DLGAP2: variants seen among roughly 807,000 people sequenced by gnomAD.
The protein encoded by DLGAP2 is DLG associated protein 2.
In DLGAP2, 26 loss-of-function variants were observed where a neutral mutation model predicts 100.3. That is an observed-to-expected ratio of 0.26 (90% CI 0.19 to 0.36). The LOEUF (loss-of-function observed/expected upper bound fraction) is 0.36. Among genes scored for constraint, DLGAP2 ranks in the 10% least tolerant of loss-of-function variants. The probability of loss-of-function intolerance (pLI) is 1.00; values close to 1 mark genes in which losing one functional copy is unlikely to be tolerated. For missense variants in DLGAP2, 1,858 were observed against 1,453.2 expected, an observed-to-expected ratio of 1.28 and a Z score of -4.53; for synonymous variants, 886 against 630.1, an observed-to-expected ratio of 1.41 and a Z score of -6.08.
intron 2 of DLGAP2, among the ~76,000 whole-genome samples, chr8:1,060,181 A>ACCGT (rs1461034204): frequency 2.0e-5 from 3 of 152,194 alleles, no homozygotes; most frequent in Non-Finnish European, 4.4e-5. Context: ...TCCCGTGGCC[A>ACCGT]CCGTCATGAA....
chr8:1,223,828 C>A (rs1422563289), intron 2 of DLGAP2, among the ~76,000 whole-genome samples: 3 of 152,188 alleles, frequency 2.0e-5, no homozygotes, highest in Admixed American at 6.5e-5. Flanking sequence ...TTATTAAGCA[C>A]CCATATGCTC....
At chr8:1,059,880 A>AT (rs549996004) in intron 2 of DLGAP2, among the ~76,000 whole-genome samples, 1 of 152,246 alleles carries the variant, frequency 6.6e-6, no homozygotes, top group African/African-American at 2.4e-5. Flanking sequence ...GGCGGTCGCG[A>AT]TGCAAATCGC....
chr8:1,206,320 A>G (rs6991774), intron 2 of DLGAP2, among the ~76,000 whole-genome samples: 6,274 of 41,526 alleles, frequency 0.15, 2,059 homozygotes, highest in African/African-American at 0.59. Context: ...GCATCCGTGG[A>G]CTGGGGTAGA....
At chr8:1,636,296 C>A (rs900025980) in intron 8 of DLGAP2, among the ~76,000 whole-genome samples, 4 of 152,114 alleles carry the variant, frequency 2.6e-5, no homozygotes, top group Non-Finnish European at 5.9e-5. Flanking sequence ...ACAACTGATT[C>A]TAGAAGTCAT....
In DLGAP2 at chr8:1,342,301, C is replaced by G. The variant is rs1400957579; in HGVS notation, c.106+83418C>G. ...AGGCAGAGACTGGATTGCAAACCTC[C>G]CAACCTCACATATTATTTCCAGCAA... On this transcript the variant is annotated intron_variant, in intron 3 of 14. Transcript: ENST00000637795. Among the ~76,000 whole-genome samples the G allele has an allele frequency of 4.6e-5, 7 of 152,254 alleles. No homozygotes were observed. In the East Asian group the frequency reaches 1.4e-3, roughly 29 times the overall value.
intron 2 of DLGAP2, among the ~76,000 whole-genome samples, chr8:1,069,484 C>T (rs779175084): frequency 6.6e-6 from 1 of 152,166 alleles, no homozygotes; most frequent in Non-Finnish European, 1.5e-5. Context: ...GGCTCAGCAA[C>T]CGGGGACTTG....
chr8:1,605,793 G>A lies in DLGAP2; in HGVS notation c.1443-20947G>A, dbSNP rs142117799. ...GGAAGTAAACTGTTGACTCATTTCC[G>A]TGTTTGTCTGAATTATTAGTTTATC... On this transcript the variant is annotated intron_variant, in intron 6 of 14. Coordinates refer to ENST00000637795, the MANE Select transcript of DLGAP2 (RefSeq NM_001346810.2). Among the ~76,000 whole-genome samples the A allele has an allele frequency of 5.9e-3, 893 of 152,284 alleles. 7 individuals are homozygous for A. Among genetic ancestry groups the A allele is most frequent in the African/African-American group, 0.02 (827 of 41,548 alleles).
At chr8:1,212,927 C>T (rs13268678) in intron 2 of DLGAP2, among the ~76,000 whole-genome samples, 31,326 of 151,928 alleles carry the variant, frequency 0.21, 3,340 homozygotes, top group Non-Finnish European at 0.24. Flanking sequence ...TTTTAGTGCT[C>T]TTCATATAGA....
chr8:869,587 C>T (rs935346307), intron 1 of DLGAP2, among the ~76,000 whole-genome samples: 2 of 152,170 alleles, frequency 1.3e-5, no homozygotes, highest in Non-Finnish European at 2.9e-5. Context: ...TCCAAGACCT[C>T]CCTGTCTTTT....
chr8:1,362,142 T>G (rs1801996086), intron 3 of DLGAP2, among the ~76,000 whole-genome samples: 1 of 152,162 alleles, frequency 6.6e-6, no homozygotes, highest in Non-Finnish European at 1.5e-5. Flanking sequence ...ATCTGAGCCT[T>G]CTGAGGCATC....
chr8:1,583,491 C>A (rs776654344), intron 6 of DLGAP2, among the ~76,000 whole-genome samples: 7 of 152,140 alleles, frequency 4.6e-5, no homozygotes, highest in Non-Finnish European at 1.0e-4. Flanking sequence ...AGGCAGGGAG[C>A]GTCGGGGCTG....
At chr8:1,208,806 A>T (rs1287482405) in intron 2 of DLGAP2, among the ~76,000 whole-genome samples, 1 of 152,070 alleles carries the variant, frequency 6.6e-6, no homozygotes, top group East Asian at 1.9e-4. Flanking sequence ...CCTATAGAAC[A>T]ATAGTGACGG....
intron 2 of DLGAP2, among the ~76,000 whole-genome samples, chr8:1,116,995 G>C (rs550763196): frequency 3.9e-5 from 6 of 152,282 alleles, no homozygotes; most frequent in African/African-American, 1.4e-4. Flanking sequence ...CCAAAAGAAA[G>C]CTGAAAAATA....
intron 2 of DLGAP2, among the ~76,000 whole-genome samples, chr8:1,211,383 C>A (rs1248065460): frequency 6.6e-6 from 1 of 152,182 alleles, no homozygotes; most frequent in Non-Finnish European, 1.5e-5. Flanking sequence ...GATAGATGCA[C>A]AGAAAAACAA....
intron 1 of DLGAP2, among the ~76,000 whole-genome samples, chr8:813,668 C>T (rs370818850): frequency 5.9e-5 from 9 of 152,168 alleles, no homozygotes; most frequent in Non-Finnish European, 1.2e-4. Context: ...CCTCCAGGGG[C>T]CTGCTCTGCT....
rs148209575 is a variant in DLGAP2 at position 1,496,304 on chromosome 8, G to A, written c.107-5062G>A. Among the ~76,000 whole-genome samples the A allele has an allele frequency of 3.7e-4, 56 of 152,146 alleles. No homozygotes were observed. In the Middle Eastern group the frequency reaches 0.017, roughly 46 times the overall value. The stretch of plus-strand genomic sequence containing the variant: ...GTCGGTGGAAGCATCACAGGGCCTC[G>A]TGGGGGCGCCGAGAGGAGTGCATGG... On this transcript the variant is annotated intron_variant, in intron 3 of 14. Coordinates refer to ENST00000637795, the MANE Select transcript of DLGAP2 (RefSeq NM_001346810.2).
intron 2 of DLGAP2, among the ~76,000 whole-genome samples, chr8:1,229,403 T>C (rs537574866): frequency 6.6e-6 from 1 of 152,280 alleles, no homozygotes; most frequent in African/African-American, 2.4e-5. Flanking sequence ...GTTTTGGAAC[T>C]TGATAATGAT....
intron 3 of DLGAP2, among the ~76,000 whole-genome samples, chr8:1,412,083 A>C (rs1334928816): frequency 6.6e-6 from 1 of 152,118 alleles, no homozygotes; most frequent in Non-Finnish European, 1.5e-5. Context: ...CCCTTTCTCC[A>C]TTCCTGCCTC....
chr8:1,121,009 C>G (rs1393547102), intron 2 of DLGAP2, among the ~76,000 whole-genome samples: 1 of 151,334 alleles, frequency 6.6e-6, no homozygotes, highest in Non-Finnish European at 1.5e-5. Context: ...CCATCCTTAT[C>G]CCTTTAGAAC....
Sources: gnomAD v4.1 joint callset for allele counts (sites outside exome capture counted in the v4.1 genomes callset) on GRCh38, gnomAD v4.1.1 for gene constraint, MANE v1.5 for transcripts, NCBI Gene and HGNC (gene_info 2026-07-23, HGNC 2026-07-21) for gene names.